DLG2: variants seen among roughly 807,000 people sequenced by gnomAD.
DLG2 encodes discs large MAGUK scaffold protein 2, also known as disks large homolog 2.
In DLG2, 45 loss-of-function variants were observed where a neutral mutation model predicts 132.5. The ratio of observed to expected loss-of-function variants is 0.34; its 90% confidence interval spans 0.27 to 0.44. DLG2 has a LOEUF of 0.44. Among genes scored for constraint, DLG2 ranks in the 20% least tolerant of loss-of-function variants. DLG2 has a pLI of 1.00. For synonymous variants in DLG2, 424 were observed against 419.6 expected (o/e 1.01, Z -0.13); for missense variants, 1,045 against 1,196.9 (o/e 0.87, Z 1.87).
intron 7 of DLG2, chr11:84,437,625 G>A (rs1438857133): frequency 6.6e-6 from 1 of 152,322 alleles, no homozygotes; most frequent in Non-Finnish European, 1.5e-5. Flanking sequence ...TGGGAGGAGG[G>A]AGGGGTTGGG....
intron 6 of DLG2, among the ~76,000 whole-genome samples, chr11:84,693,118 T>C (rs2058229580): frequency 6.6e-6 from 1 of 151,814 alleles, no homozygotes; most frequent in Non-Finnish European, 1.5e-5. Flanking sequence ...ATCAAAATTG[T>C]TAAGAATGTC....
Position 84,140,322 on chromosome 11 carries a change from T to C in DLG2, c.624+23139A>G, listed in dbSNP as rs368492127. Among the ~76,000 whole-genome samples, 19 of 152,216 alleles carry C rather than the reference T, an allele frequency of 1.2e-4. 1 individual carries two copies. Among genetic ancestry groups the C allele is most frequent in the African/African-American group, 4.6e-4 (19 of 41,536 alleles). On this transcript the variant is annotated intron_variant, in intron 9 of 27. Coordinates refer to ENST00000376104, the MANE Select transcript of DLG2 (RefSeq NM_001142699.3). ...GGCACTTTGGAGAATAAAATGAATA[T>C]CTAAGAAATAATTTGAAAATAGTGA...
rs931844425 is a variant in DLG2, at chr11:85,191,084, A to C, written c.187-36433T>G. On this transcript the variant is annotated intron_variant, in intron 4 of 27. Transcript: ENST00000376104. Reference sequence around the variant, plus strand: ...GCACTCATATGTTCATTGCTGCACTATTCACAATAGCAAAGACATGGAATC... The same window carrying C: ...GCACTCATATGTTCATTGCTGCACTCTTCACAATAGCAAAGACATGGAATC... Among the ~76,000 whole-genome samples, 25 of 152,134 alleles carry C rather than the reference A, an allele frequency of 1.6e-4. No homozygotes were observed. In the South Asian group the frequency reaches 5.0e-3, roughly 30 times the overall value.
At chr11:83,627,783 C>T (rs1328958552) in intron 19 of DLG2, among the ~76,000 whole-genome samples, 5 of 152,130 alleles carry the variant, frequency 3.3e-5, no homozygotes, top group Non-Finnish European at 5.9e-5. Flanking sequence ...CCTGAGGAAT[C>T]GCCACACTGA....
intron 6 of DLG2, among the ~76,000 whole-genome samples, chr11:85,033,903 A>T (rs1333028542): frequency 6.6e-6 from 1 of 151,388 alleles, no homozygotes; most frequent in East Asian, 1.9e-4. Context: ...AATTTTTGTT[A>T]AAAAAAATAA....
At chr11:85,282,578 A>T (rs2078299988) in intron 4 of DLG2, among the ~76,000 whole-genome samples, 1 of 151,920 alleles carries the variant, frequency 6.6e-6, no homozygotes, top group African/African-American at 2.4e-5. Flanking sequence ...TGCAGGGAGG[A>T]TAGAGCTGAT....
intron 8 of DLG2, among the ~76,000 whole-genome samples, chr11:84,194,038 A>G (rs773301831): frequency 5.9e-5 from 9 of 152,230 alleles, no homozygotes; most frequent in Non-Finnish European, 1.0e-4. Flanking sequence ...CAGAGACAAT[A>G]TAATTCTTCA....
At chr11:84,106,979 G>GGTGTGTGTGTGT (rs35530888) in intron 9 of DLG2, among the ~76,000 whole-genome samples, 7 of 105,330 alleles carry the variant, frequency 6.6e-5, no homozygotes, top group African/African-American at 2.6e-4. Flanking sequence ...TTAGCCTTAG[G>GGTGTGTGTGTGT]GTGTGTGTGT....
intron 10 of DLG2, among the ~76,000 whole-genome samples, chr11:84,088,918 C>T (rs1035826923): frequency 1.3e-5 from 2 of 152,128 alleles, no homozygotes; most frequent in Non-Finnish European, 1.5e-5. Flanking sequence ...CCTGCTTTGA[C>T]CCCCAAAACA....
intron 7 of DLG2, among the ~76,000 whole-genome samples, chr11:84,274,934 T>C (rs1007013972): frequency 6.6e-6 from 1 of 152,178 alleles, no homozygotes; most frequent in African/African-American, 2.4e-5. Context: ...CCCAGCCACA[T>C]GCTTCTTCTC....
intron 14 of DLG2, among the ~76,000 whole-genome samples, chr11:83,955,885 C>CT (rs1310015492): frequency 1.3e-5 from 2 of 152,182 alleles, no homozygotes; most frequent in African/African-American, 4.8e-5. Flanking sequence ...TGACCACAGA[C>CT]TGAAGGCTGC....
At position 83,917,903 on chromosome 11, in the gene DLG2, G is replaced by A. The variant is rs561446583; in HGVS notation, c.1496+12425C>T. ...ATTACTAGAGGAAAATCTACAATTCGATTCTGGCTGTTCTTGAAGTTCATT... is the reference window on the plus strand; with the variant it reads ...ATTACTAGAGGAAAATCTACAATTCAATTCTGGCTGTTCTTGAAGTTCATT... On this transcript the variant is annotated intron_variant, in intron 15 of 27. Coordinates refer to ENST00000376104, the MANE Select transcript of DLG2 (RefSeq NM_001142699.3). Among the ~76,000 whole-genome samples the A allele has an allele frequency of 4.3e-4, 66 of 152,214 alleles. 1 individual carries two copies. In the South Asian group the frequency reaches 0.013, roughly 29 times the overall value.
chr11:84,010,753 T>C (rs2094844034), intron 11 of DLG2, among the ~76,000 whole-genome samples: 1 of 152,094 alleles, frequency 6.6e-6, no homozygotes, highest in South Asian at 2.1e-4. Context: ...ATGAGAGCAA[T>C]CAAAATACCT....
intron 3 of DLG2, among the ~76,000 whole-genome samples, chr11:85,543,330 G>A (rs1256021970): frequency 6.6e-6 from 1 of 152,118 alleles, no homozygotes; most frequent in Non-Finnish European, 1.5e-5. Flanking sequence ...CATTTTTTAT[G>A]GCTGCTTAGT....
chr11:84,792,801 T>A (rs1237798738), intron 6 of DLG2, among the ~76,000 whole-genome samples: 1 of 152,112 alleles, frequency 6.6e-6, no homozygotes, highest in Non-Finnish European at 1.5e-5. Context: ...TTTATTTGGG[T>A]CTTCTCTCTT....
chr11:83,514,560 C>T (rs562741212), intron 21 of DLG2, among the ~76,000 whole-genome samples: 5 of 152,282 alleles, frequency 3.3e-5, no homozygotes, highest in Non-Finnish European at 5.9e-5. Context: ...GAACTTCCAA[C>T]ACTATGTTGA....
At chr11:83,828,688 C>A (rs1183003113) in intron 17 of DLG2, among the ~76,000 whole-genome samples, 2 of 151,982 alleles carry the variant, frequency 1.3e-5, no homozygotes. Flanking sequence ...AAGGAACAGC[C>A]CAAACTATCC....
At chr11:84,699,838 C>G (rs1031885097) in intron 6 of DLG2, among the ~76,000 whole-genome samples, 15 of 151,646 alleles carry the variant, frequency 9.9e-5, no homozygotes, top group African/African-American at 2.7e-4. Context: ...GAAGGCAAAC[C>G]TCATGCACTC....
At chr11:85,251,518 A>G (rs1020863668) in intron 4 of DLG2, among the ~76,000 whole-genome samples, 2 of 152,164 alleles carry the variant, frequency 1.3e-5, no homozygotes, top group Non-Finnish European at 2.9e-5. Flanking sequence ...ATTTTTTTCA[A>G]ATTTGATCAT....
Sources: gnomAD v4.1 joint callset for allele counts (sites outside exome capture counted in the v4.1 genomes callset) on GRCh38, gnomAD v4.1.1 for gene constraint, MANE v1.5 for transcripts, NCBI Gene and HGNC (gene_info 2026-07-23, HGNC 2026-07-21) for gene names.